Variants in ALDH1L1 observed in about 807,000 individuals in gnomAD.
ALDH1L1 encodes the protein aldehyde dehydrogenase 1 family member L1.
ALDH1L1 carries 68 observed loss-of-function variants against 101.1 expected under a neutral mutation model. The ratio of observed to expected loss-of-function variants is 0.67; its 90% confidence interval spans 0.55 to 0.82. ALDH1L1 has a LOEUF of 0.82. Ranked by LOEUF, ALDH1L1 falls within the 40% of genes least tolerant of loss-of-function variation. ALDH1L1 has a pLI of 0.00. For missense variants in ALDH1L1, 1,087 were observed against 1,172.7 expected, an observed-to-expected ratio of 0.93 and a Z score of 1.07; for synonymous variants, 486 against 470.8, an observed-to-expected ratio of 1.03 and a Z score of -0.42.
At chr3:126,174,055 G>C (rs776698714) in intron 1 of ALDH1L1, among the ~76,000 whole-genome samples, 6 of 152,054 alleles carry the variant, frequency 3.9e-5, no homozygotes, top group Non-Finnish European at 7.4e-5. Context: ...TTTTTTTTGG[G>C]GGGGCGGAGT....
chr3:126,113,005 T>G, intron 18 of ALDH1L1, 125 bp from the exon 19 acceptor site: 1 of 768,848 alleles, frequency 1.3e-6, no homozygotes, highest in Non-Finnish European at 2.1e-6. Flanking sequence ...GATCTCCTCC[T>G]GTGGGCCCCA....
Position 126,115,735 on chromosome 3 carries a change from C to T in ALDH1L1, c.1983-1079G>A, listed in dbSNP as rs953839686. Among the ~76,000 whole-genome samples the T allele has an allele frequency of 4.6e-5, 7 of 151,726 alleles. No individual in the cohort carries two copies. In the East Asian group the frequency reaches 1.2e-3, roughly 25 times the overall value. ...GATTACAGGCACGTGCCACCACGCC[C>T]GGCTAATTTTTGTATTTTCAGTAGG... On this transcript the variant is annotated intron_variant, in intron 17 of 22. Coordinates refer to ENST00000393434, the MANE Select transcript of ALDH1L1 (RefSeq NM_012190.4).
At chr3:126,109,357 A>G (rs1368883337) in intron 20 of ALDH1L1, among the ~76,000 whole-genome samples, 2 of 152,108 alleles carry the variant, frequency 1.3e-5, no homozygotes, top group Non-Finnish European at 2.9e-5. Context: ...GGGCTCAACT[A>G]TAGCTGGGAC....
intron 1 of ALDH1L1, among the ~76,000 whole-genome samples, chr3:126,195,124 C>G (rs948764814): frequency 2.6e-5 from 4 of 151,968 alleles, no homozygotes; most frequent in African/African-American, 9.7e-5. Context: ...CAGGCCTTAT[C>G]TAGAATCTAA....
At chr3:126,185,845 G>A (rs750714), upstream of ALDH1L1, among the ~76,000 whole-genome samples, 56,689 of 152,064 alleles carry the variant, frequency 0.37, 11,034 homozygotes, top group Middle Eastern at 0.5. Flanking sequence ...ATATTCTGGA[G>A]TATTATTCAG....
At chr3:126,111,339 C>T (rs1279299851) in intron 19 of ALDH1L1, among the ~76,000 whole-genome samples, 4 of 152,284 alleles carry the variant, frequency 2.6e-5, no homozygotes, top group South Asian at 2.1e-4. Flanking sequence ...CCACTGTCCA[C>T]GTGAACATGT....
intron 1 of ALDH1L1, among the ~76,000 whole-genome samples, chr3:126,195,884 T>C (rs2081579126): frequency 6.6e-6 from 1 of 152,028 alleles, no homozygotes; most frequent in East Asian, 1.9e-4. Flanking sequence ...ACACCGCACG[T>C]TCTCACTCAT....
At position 126,154,538 on chromosome 3, in the gene ALDH1L1, C is replaced by T. The variant is rs748612186; in HGVS notation, c.720+16G>A. 1.5e-5 allele frequency: 25 copies of T among 1,613,360 alleles called. No homozygotes were observed. The highest frequency in any genetic ancestry group is 2.0e-5 in the Non-Finnish European group (24 of 1,179,484). On this transcript the variant is annotated intron_variant, in intron 6 of 22. Transcript: ENST00000393434. ...ACCAATGCACGTGGCTGGATTCCAG[C>T]CATGCAGGGACACACCTGTTCACAG...
intron 17 of ALDH1L1, among the ~76,000 whole-genome samples, chr3:126,115,998 G>C (rs2079961451): frequency 6.6e-6 from 1 of 151,148 alleles, no homozygotes; most frequent in Non-Finnish European, 1.5e-5. Flanking sequence ...TCAGCCTCTA[G>C]AGTAGCTGGG....
rs58097268 is a variant in ALDH1L1, at chr3:126,164,856, G to A, written c.-23-3854C>T. Among the ~76,000 whole-genome samples, 2,505 of 152,184 alleles carry A rather than the reference G, an allele frequency of 0.016. 116 individuals carry two copies. The East Asian group carries it at 0.19, about 12-fold the overall frequency. On this transcript the variant is annotated intron_variant, in intron 1 of 22. Coordinates refer to ENST00000393434, the MANE Select transcript of ALDH1L1 (RefSeq NM_012190.4). ...ACATTCCCACCAACAGTGTATAAGCGTTGTTTTCTCTATAGCCTCACCAGC... is the reference window on the plus strand; with the variant it reads ...ACATTCCCACCAACAGTGTATAAGCATTGTTTTCTCTATAGCCTCACCAGC...
chr3:126,130,127 C>T (rs2080270723), intron 14 of ALDH1L1, 96 bp downstream of exon 14: 1 of 1,176,770 alleles, frequency 8.5e-7, no homozygotes, highest in Non-Finnish European at 1.1e-6. Context: ...TAAATGCACG[C>T]ACAGGGTGCT....
chr3:126,144,253 G>A (rs2080627032), intron 9 of ALDH1L1, among the ~76,000 whole-genome samples: 1 of 152,188 alleles, frequency 6.6e-6, no homozygotes, highest in African/African-American at 2.4e-5. Flanking sequence ...TCATGGACTG[G>A]AGAAGTTAAT....
chr3:126,196,380 CTTT>C (rs34527873), intron 1 of ALDH1L1, among the ~76,000 whole-genome samples: 19,384 of 139,054 alleles, frequency 0.14, 1,560 homozygotes, highest in African/African-American at 0.23. Context: ...AAGAAAACAG[CTTT>C]TTTTTTTTTT....
Position 126,192,111 on chromosome 3 carries a change from T to A in ALDH1L1, c.-24+5624A>T, listed in dbSNP as rs540526385. Among the ~76,000 whole-genome samples the A allele has an allele frequency of 1.3e-4, 20 of 152,332 alleles. No individual in the cohort carries two copies. In the South Asian group the frequency reaches 4.1e-3, roughly 32 times the overall value. ...AGCCATTCTGAATCAATGGGCACAC[T>A]GGACAATCAAGTGTTAGAGTTTGGA... On this transcript the variant is annotated intron_variant, in intron 1 of 2. Transcript: ENST00000509952.
chr3:126,155,761 A>T (rs533959789), intron 4 of ALDH1L1: 2 of 377,196 alleles, frequency 5.3e-6, no homozygotes, highest in South Asian at 1.0e-4. Flanking sequence ...GATATCTTAG[A>T]TGATTATATA....
intron 19 of ALDH1L1, among the ~76,000 whole-genome samples, chr3:126,111,676 G>T (rs1946081753): frequency 6.6e-6 from 1 of 152,110 alleles, no homozygotes; most frequent in Non-Finnish European, 1.5e-5. Flanking sequence ...CTCCTCCAGG[G>T]GCCCCTCCCT....
chr3:126,129,904 T>G (rs1273446840), intron 14 of ALDH1L1: 2 of 188,242 alleles, frequency 1.1e-5, no homozygotes, highest in South Asian at 1.9e-4. Flanking sequence ...TTGTTCTATA[T>G]TTCCTGTTCC....
rs1359861237 is a variant in ALDH1L1, at chr3:126,136,637, T to C, written c.1344+127A>G. The stretch of plus-strand genomic sequence containing the variant: ...GGAAACGACCTGGCATTCTTTCCCG[T>C]CCCTCTCAAAGGCACATGTCCAAGC... On this transcript the variant is annotated intron_variant, in intron 11 of 22. Coordinates refer to ENST00000393434, the MANE Select transcript of ALDH1L1 (RefSeq NM_012190.4). The C allele has an allele frequency of 3.5e-6, 5 of 1,415,800 alleles. No homozygotes were observed. The East Asian group carries it at 1.3e-4, about 35-fold the overall frequency. The allele number at this position is 1,415,800 out of a possible 1,614,324, so 87.7% of individuals were successfully genotyped here. A position where few individuals can be genotyped will look rare whatever the true frequency, so the allele number is the denominator to read the frequency against.
intron 20 of ALDH1L1, among the ~76,000 whole-genome samples, chr3:126,109,259 G>A (rs185528224): frequency 8.5e-5 from 13 of 152,346 alleles, no homozygotes; most frequent in East Asian, 5.8e-4. Context: ...CAGCAGCAGC[G>A]TCAACGGTCC....
Sources: gnomAD v4.1 joint callset for allele counts (sites outside exome capture counted in the v4.1 genomes callset) on GRCh38, gnomAD v4.1.1 for gene constraint, MANE v1.5 for transcripts, NCBI Gene and HGNC (gene_info 2026-07-23, HGNC 2026-07-21) for gene names.